Variants in CPEB3 observed in about 807,000 individuals in gnomAD.
The protein encoded by CPEB3 is cytoplasmic polyadenylation element-binding protein 3.
In CPEB3, 20 loss-of-function variants were observed where a neutral mutation model predicts 67.2. That is an observed-to-expected ratio of 0.30 (90% CI 0.21 to 0.43). The LOEUF is 0.43. Ranked by LOEUF, CPEB3 falls within the 20% of genes least tolerant of loss-of-function variation. The probability of loss-of-function intolerance (pLI) is 1.00; values close to 1 mark genes in which losing one functional copy is unlikely to be tolerated. For missense variants in CPEB3, 746 were observed against 968.6 expected (o/e 0.77, Z 3.05); for synonymous variants, 376 against 393.1 (o/e 0.96, Z 0.51).
intron 4 of CPEB3, among the ~76,000 whole-genome samples, chr10:92,171,749 G>A (rs2134022078): frequency 6.6e-6 from 1 of 152,160 alleles, no homozygotes; most frequent in South Asian, 2.1e-4. Flanking sequence ...CAAGTAGCTG[G>A]GATTACAGGA....
intron 7 of CPEB3, among the ~76,000 whole-genome samples, chr10:92,107,889 A>G (rs568614652): frequency 6.6e-6 from 1 of 152,334 alleles, no homozygotes; most frequent in South Asian, 2.1e-4. Context: ...GAGTAATTTA[A>G]TAAGAAGTAG....
chr10:92,282,917 T>A (rs1016325282), intron 1 of CPEB3, among the ~76,000 whole-genome samples: 1 of 152,158 alleles, frequency 6.6e-6, no homozygotes, highest in African/African-American at 2.4e-5. Context: ...GCTTAACTTA[T>A]TTCTGTTTCC....
intron 1 of CPEB3, among the ~76,000 whole-genome samples, chr10:92,255,067 C>T (rs1227058363): frequency 1.3e-5 from 2 of 151,984 alleles, no homozygotes; most frequent in African/African-American, 4.8e-5. Context: ...TCTCCAATTT[C>T]CCTACTGCCC....
intron 1 of CPEB3, among the ~76,000 whole-genome samples, chr10:92,260,733 C>T (rs1852759720): frequency 1.3e-5 from 2 of 151,792 alleles, no homozygotes; most frequent in Non-Finnish European, 2.9e-5. Flanking sequence ...TTCAGCCTCC[C>T]GAGTAGCTGG....
intron 3 of CPEB3, among the ~76,000 whole-genome samples, chr10:92,188,341 A>C (rs1424728690): frequency 5.4e-5 from 8 of 149,530 alleles, no homozygotes; most frequent in South Asian, 2.1e-4. Context: ...AAAAAAAAAA[A>C]AAAAAAAAAA....
At chr10:92,074,108 A>T (rs1389119834) in intron 9 of CPEB3, among the ~76,000 whole-genome samples, 2 of 150,634 alleles carry the variant, frequency 1.3e-5, no homozygotes, top group Admixed American at 6.6e-5. Flanking sequence ...TTTTTTAATT[A>T]AAAAAATGGT....
Position 92,101,677 on chromosome 10 carries a change from C to T in CPEB3, c.1572+9399G>A, listed in dbSNP as rs1212053902. On this transcript the variant is annotated intron_variant, in intron 7 of 9. Coordinates refer to ENST00000265997, the MANE Select transcript of CPEB3 (RefSeq NM_014912.5). The stretch of plus-strand genomic sequence containing the variant: ...ATCCCAGCACTTTGGGAGGCCAAGG[C>T]AGGCAGATCACTTGAGGTCAGGAGT... 1.3e-4 allele frequency among the ~76,000 whole-genome samples: 20 copies of T among 152,258 alleles called. No homozygotes were observed. The South Asian group carries it at 1.7e-3, about 13-fold the overall frequency.
At chr10:92,248,070 C>T (rs571593114) in intron 1 of CPEB3, among the ~76,000 whole-genome samples, 3 of 152,140 alleles carry the variant, frequency 2.0e-5, no homozygotes, top group African/African-American at 7.2e-5. Context: ...AGTTATTCCT[C>T]GGTATCTTGT....
At chr10:92,254,054 C>A (rs1023139997) in intron 1 of CPEB3, among the ~76,000 whole-genome samples, 4 of 151,966 alleles carry the variant, frequency 2.6e-5, no homozygotes, top group Admixed American at 2.6e-4. Context: ...TATAGTGAGA[C>A]CTTATCTCTA....
intron 2 of CPEB3, among the ~76,000 whole-genome samples, chr10:92,234,957 CAAG>C (rs1262599652): frequency 6.6e-6 from 1 of 152,006 alleles, no homozygotes; most frequent in Non-Finnish European, 1.5e-5. Flanking sequence ...AAAAAATAAG[CAAG>C]AATGACAATA....
At chr10:92,056,112 G>C (rs1842101288) in intron 9 of CPEB3, among the ~76,000 whole-genome samples, 1 of 152,172 alleles carries the variant, frequency 6.6e-6, no homozygotes, top group Non-Finnish European at 1.5e-5. Flanking sequence ...AGCTTCCAGA[G>C]GGCAGTCTTC....
intron 9 of CPEB3, among the ~76,000 whole-genome samples, chr10:92,081,078 A>T (rs1239247864): frequency 6.6e-6 from 1 of 152,160 alleles, no homozygotes; most frequent in Non-Finnish European, 1.5e-5. Flanking sequence ...TGGTATGCTA[A>T]ATTTTGCAGG....
intron 2 of CPEB3, chr10:92,204,264 G>A (rs553387570): frequency 1.3e-5 from 2 of 152,142 alleles, no homozygotes; most frequent in Admixed American, 6.5e-5. Context: ...TCTGACAGGG[G>A]CTGCGACGTG....
chr10:92,244,464 GTCTC>G (rs1231204754), intron 1 of CPEB3, among the ~76,000 whole-genome samples: 1 of 150,990 alleles, frequency 6.6e-6, no homozygotes, highest in Admixed American at 6.6e-5. Context: ...TTGAGATGGA[GTCTC>G]TCTCTGTTGC....
chr10:92,095,210 T>C (rs1344027828), intron 7 of CPEB3, among the ~76,000 whole-genome samples: 1 of 152,158 alleles, frequency 6.6e-6, no homozygotes, highest in Non-Finnish European at 1.5e-5. Context: ...CATTCCTTTA[T>C]TCTTGGCATT....
intron 4 of CPEB3, among the ~76,000 whole-genome samples, chr10:92,175,242 T>C (rs1056713034): frequency 6.6e-6 from 1 of 151,134 alleles, no homozygotes; most frequent in Admixed American, 6.6e-5. Flanking sequence ...GATCATCTAG[T>C]ATGTATTCTT....
At chr10:92,147,574 AAAT>A (rs1846746712) in intron 4 of CPEB3, among the ~76,000 whole-genome samples, 1 of 152,240 alleles carries the variant, frequency 6.6e-6, no homozygotes, top group South Asian at 2.1e-4. Flanking sequence ...GACACCGAAC[AAAT>A]AAGATACTTC....
intron 1 of CPEB3, among the ~76,000 whole-genome samples, chr10:92,289,732 A>AAAAAAAAAAAAAATATATATAT: frequency 1.2e-4 from 9 of 75,762 alleles, no homozygotes; most frequent in Non-Finnish European, 2.0e-4. Context: ...AAAAAAAAAA[A>AAAAAAAAAAAAAATATATATAT]ATATATATAT....
chr10:92,283,446 C>T (rs1257176229), intron 1 of CPEB3, among the ~76,000 whole-genome samples: 1 of 152,154 alleles, frequency 6.6e-6, no homozygotes, highest in Non-Finnish European at 1.5e-5. Flanking sequence ...GATGAAGAAT[C>T]TGACTAAAAG....
Sources: gnomAD v4.1 joint callset for allele counts (sites outside exome capture counted in the v4.1 genomes callset) on GRCh38, gnomAD v4.1.1 for gene constraint, MANE v1.5 for transcripts, NCBI Gene and HGNC (gene_info 2026-07-23, HGNC 2026-07-21) for gene names.